MTUS2: variants seen among roughly 807,000 people sequenced by gnomAD.
The protein encoded by MTUS2 is microtubule-associated tumor suppressor candidate 2.
In MTUS2, 40 loss-of-function variants were observed where a neutral mutation model predicts 114.1. The observed-to-expected ratio is 0.35, with a 90% CI of 0.27 to 0.46. The LOEUF (loss-of-function observed/expected upper bound fraction) is 0.46. Ranked by LOEUF, MTUS2 falls within the 20% of genes least tolerant of loss-of-function variation. The probability of loss-of-function intolerance (pLI) is 1.00; values close to 1 mark genes in which losing one functional copy is unlikely to be tolerated. For missense variants in MTUS2, 1,679 were observed against 1,705.4 expected (o/e 0.98, Z 0.27); for synonymous variants, 688 against 672.0 (o/e 1.02, Z -0.37).
chr13:29,225,568 C>T (rs1481563994), intron 5 of MTUS2, among the ~76,000 whole-genome samples: 1 of 152,166 alleles, frequency 6.6e-6, no homozygotes, highest in African/African-American at 2.4e-5. Context: ...TAGAAAGAGA[C>T]ATCTGAATAG....
chr13:28,854,054 T>C (rs1195949123), intron 2 of MTUS2, among the ~76,000 whole-genome samples: 1 of 152,184 alleles, frequency 6.6e-6, no homozygotes, highest in East Asian at 1.9e-4. Context: ...TCAAGAAAGC[T>C]TAGTGTCCAC....
intron 2 of MTUS2, among the ~76,000 whole-genome samples, chr13:28,968,971 T>C (rs1883727610): frequency 6.6e-6 from 1 of 152,212 alleles, no homozygotes; most frequent in Non-Finnish European, 1.5e-5. Flanking sequence ...AGGCAAAATA[T>C]AGACTACAAC....
Position 29,357,806 on chromosome 13 carries a change from G to A in MTUS2, c.2906-1456G>A, listed in dbSNP as rs530053993. Among the ~76,000 whole-genome samples the A allele has an allele frequency of 5.9e-5, 9 of 152,298 alleles. No individual in the cohort carries two copies. The South Asian group carries it at 1.5e-3, about 25-fold the overall frequency. ...ATAATTTACGATATGCCATATGTGA[G>A]GTTACATGGCAATCTCTGATGACTT... On this transcript the variant is annotated intron_variant, in intron 7 of 15. Coordinates refer to ENST00000612955, the MANE Select transcript of MTUS2 (RefSeq NM_001033602.4).
At chr13:29,022,751 T>C (rs188579575) in intron 2 of MTUS2, among the ~76,000 whole-genome samples, 4 of 152,338 alleles carry the variant, frequency 2.6e-5, no homozygotes, top group Middle Eastern at 3.4e-3. Context: ...AATGCACTCA[T>C]AATAGTGGAT....
intron 5 of MTUS2, among the ~76,000 whole-genome samples, chr13:29,272,311 A>G (rs140289425): frequency 6.6e-6 from 1 of 152,210 alleles, no homozygotes; most frequent in Non-Finnish European, 1.5e-5. Context: ...TTGTTAAAAA[A>G]AATCAGTGAA....
At chr13:28,917,897 A>G (rs577673408) in intron 2 of MTUS2, among the ~76,000 whole-genome samples, 215 of 151,884 alleles carry the variant, frequency 1.4e-3, no homozygotes, top group African/African-American at 4.4e-3. Flanking sequence ...GCTGTATCCC[A>G]TAGGTTTTGG....
intron 2 of MTUS2, among the ~76,000 whole-genome samples, chr13:28,882,382 G>C (rs61166297): frequency 1.3e-5 from 2 of 152,024 alleles, no homozygotes; most frequent in Non-Finnish European, 2.9e-5. Flanking sequence ...AGACCTAAAT[G>C]TAAGACAATG....
At chr13:29,085,907 A>G (rs1041465886) in intron 4 of MTUS2, among the ~76,000 whole-genome samples, 14 of 152,312 alleles carry the variant, frequency 9.2e-5, no homozygotes, top group Non-Finnish European at 1.8e-4. Context: ...CCTGCAGAGT[A>G]TAAGCATTCC....
chr13:29,098,761 T>C (rs913934419), intron 4 of MTUS2, among the ~76,000 whole-genome samples: 1 of 152,244 alleles, frequency 6.6e-6, no homozygotes, highest in Non-Finnish European at 1.5e-5. Context: ...TTTTCATTCT[T>C]GACTAAGTAG....
At chr13:28,833,151 A>G (rs781719201) in intron 1 of MTUS2, among the ~76,000 whole-genome samples, 3 of 152,294 alleles carry the variant, frequency 2.0e-5, no homozygotes, top group Admixed American at 2.0e-4. Context: ...TATTTAAAGA[A>G]TTAACAGCAG....
intron 2 of MTUS2, among the ~76,000 whole-genome samples, chr13:28,899,652 T>C (rs550975737): frequency 1.4e-3 from 212 of 152,210 alleles, no homozygotes; most frequent in African/African-American, 4.3e-3. Context: ...TCTTGTGATC[T>C]GCCCGTCTCG....
chr13:29,318,412 G>A (rs1465919476), intron 6 of MTUS2, among the ~76,000 whole-genome samples: 2 of 79,744 alleles, frequency 2.5e-5, no homozygotes, highest in South Asian at 5.2e-4. Flanking sequence ...TGAGATGACA[G>A]CCTCGTCCTC....
chr13:29,294,407 ATTT>A (rs1898849251), intron 6 of MTUS2, among the ~76,000 whole-genome samples: 1 of 152,166 alleles, frequency 6.6e-6, no homozygotes, highest in Non-Finnish European at 1.5e-5. Context: ...TCTCCTGTTC[ATTT>A]AGGTTGCTTT....
intron 5 of MTUS2, among the ~76,000 whole-genome samples, chr13:29,261,387 A>G (rs896577888): frequency 2.0e-5 from 3 of 152,232 alleles, no homozygotes; most frequent in Non-Finnish European, 4.4e-5. Context: ...GGGCTCAGGT[A>G]CAGTGATCCC....
chr13:29,187,267 G>T (rs1002382938), intron 5 of MTUS2, among the ~76,000 whole-genome samples: 16 of 151,922 alleles, frequency 1.1e-4, no homozygotes, highest in Admixed American at 7.9e-4. Flanking sequence ...GAAAGTAAAT[G>T]AAATAGAGAG....
chr13:28,841,580 T>C (rs1045617158), intron 2 of MTUS2, among the ~76,000 whole-genome samples: 1 of 152,170 alleles, frequency 6.6e-6, no homozygotes, highest in African/African-American at 2.4e-5. Flanking sequence ...GTAAAAGCTT[T>C]TGGTTTCTTG....
At chr13:29,054,357 G>T (rs867870147) in intron 4 of MTUS2, among the ~76,000 whole-genome samples, 1 of 151,938 alleles carries the variant, frequency 6.6e-6, no homozygotes, top group Non-Finnish European at 1.5e-5. Context: ...TTTCCATCTG[G>T]TGTTTGTCTT....
At chr13:28,963,036 A>G (rs953760298) in intron 2 of MTUS2, among the ~76,000 whole-genome samples, 3 of 152,196 alleles carry the variant, frequency 2.0e-5, no homozygotes, top group Non-Finnish European at 4.4e-5. Flanking sequence ...TTATATTTCA[A>G]AACTCATTCT....
At chr13:29,289,477 T>A (rs2139569172) in intron 6 of MTUS2, among the ~76,000 whole-genome samples, 1 of 151,708 alleles carries the variant, frequency 6.6e-6, no homozygotes, top group Admixed American at 6.6e-5. Flanking sequence ...TTTTTTTTTT[T>A]TTTGAGACGG....
Sources: gnomAD v4.1 joint callset for allele counts (sites outside exome capture counted in the v4.1 genomes callset) on GRCh38, gnomAD v4.1.1 for gene constraint, MANE v1.5 for transcripts, NCBI Gene and HGNC (gene_info 2026-07-23, HGNC 2026-07-21) for gene names.